The following SPATA9 variants were observed in gnomAD, a reference collection of about 807,000 sequenced individuals.
SPATA9 encodes spermatogenesis-associated protein 9.
A neutral mutation model predicts 25.5 loss-of-function variants in SPATA9; 27 were observed. The ratio of observed to expected loss-of-function variants is 1.06; its 90% confidence interval spans 0.78 to 1.46. The LOEUF is 1.46. Among genes scored for constraint, SPATA9 ranks in the 40% most tolerant of loss-of-function variants. SPATA9 has a pLI of 0.00. For synonymous variants in SPATA9, 102 were observed against 105.7 expected (o/e 0.97, Z 0.21); for missense variants, 282 against 297.5 (o/e 0.95, Z 0.38).
chr5:95,720,410 A>C, the SPATA9 span, among the ~76,000 whole-genome samples: 1 of 152,228 alleles, frequency 6.6e-6, no homozygotes, highest in Admixed American at 6.5e-5. Flanking sequence ...GTTAATGCAA[A>C]AGGACTGAGG....
At chr5:95,672,460 T>G (rs1376452361) in intron 3 of SPATA9, among the ~76,000 whole-genome samples, 108 of 151,238 alleles carry the variant, frequency 7.1e-4, no homozygotes, top group Middle Eastern at 3.4e-3. Flanking sequence ...AAGAGGTTTT[T>G]TTTTTTTTTT....
chr5:95,670,904 CGTT>C (rs1332521926), intron 3 of SPATA9: 5 of 985,198 alleles, frequency 5.1e-6, no homozygotes, highest in Non-Finnish European at 6.0e-6. Flanking sequence ...ATTTGAGAGA[CGTT>C]GTTTACTACA....
At chr5:95,670,758 G>A (rs1020295299) in intron 3 of SPATA9, 1 of 759,010 alleles carries the variant, frequency 1.3e-6, no homozygotes, top group Non-Finnish European at 1.6e-6. Context: ...AGCACACTCT[G>A]GTACCATGGA....
chr5:95,692,262 A>G (rs1753913713), intron 1 of SPATA9, among the ~76,000 whole-genome samples: 1 of 152,116 alleles, frequency 6.6e-6, no homozygotes, highest in Non-Finnish European at 1.5e-5. Context: ...AACGAGGCAT[A>G]ATTTACATAT....
Position 95,653,258 on chromosome 5 carries a change from TG to T in SPATA9, c.*448-50del. The T allele has an allele frequency of 4.5e-6, 7 of 1,550,200 alleles. No homozygotes were observed. The South Asian group carries it at 8.3e-5, about 18-fold the overall frequency. ...TTCATTCATACCCACCTTCTCTTGC[TG>T]TAATAGCTATCTGGTTGTGCCTGTA... On this transcript the variant is annotated intron_variant and NMD_transcript_variant, in intron 8 of 8. Transcript: ENST00000316087.
intron 2 of SPATA9, among the ~76,000 whole-genome samples, chr5:95,678,024 G>C (rs1753104413): frequency 6.6e-6 from 1 of 152,158 alleles, no homozygotes; most frequent in Admixed American, 6.5e-5. Context: ...GGCTGGTTGG[G>C]ACAGAAGGGT....
intron 4 of SPATA9, among the ~76,000 whole-genome samples, chr5:95,662,225 A>G (rs1751333878): frequency 6.6e-6 from 1 of 152,162 alleles, no homozygotes; most frequent in African/African-American, 2.4e-5. Flanking sequence ...TCATGGGGAA[A>G]AATTTGACTC....
At chr5:95,690,925 T>G (rs1753866219) in intron 1 of SPATA9, among the ~76,000 whole-genome samples, 1 of 152,238 alleles carries the variant, frequency 6.6e-6, no homozygotes, top group Admixed American at 6.5e-5. Flanking sequence ...TGTCTTTTCT[T>G]TTTAAAGCTT....
chr5:95,678,744 C>T (rs1018128289), intron 2 of SPATA9, among the ~76,000 whole-genome samples: 5 of 152,144 alleles, frequency 3.3e-5, no homozygotes, highest in Admixed American at 6.5e-5. Context: ...AAATTTGCCG[C>T]ACTTACAATC....
chr5:95,700,678 C>T (rs1024931580), upstream of SPATA9, among the ~76,000 whole-genome samples: 3 of 152,108 alleles, frequency 2.0e-5, no homozygotes, highest in Non-Finnish European at 2.9e-5. Context: ...CTGCCCACCT[C>T]GGCCTCCCAA....
At chr5:95,717,767 T>C in the SPATA9 span, 1 of 152,084 alleles carries the variant, frequency 6.6e-6, no homozygotes, top group Non-Finnish European at 1.5e-5. Flanking sequence ...AAAGAAAAGG[T>C]GAGGAATCAT....
At chr5:95,697,627 G>A (rs1754057125) in intron 1 of SPATA9, among the ~76,000 whole-genome samples, 1 of 152,186 alleles carries the variant, frequency 6.6e-6, no homozygotes, top group South Asian at 2.1e-4. Flanking sequence ...TGAAGAATGT[G>A]TAGCCACAGC....
chr5:95,726,518 G>C, the SPATA9 span, among the ~76,000 whole-genome samples: 27 of 152,296 alleles, frequency 1.8e-4, no homozygotes, highest in African/African-American at 6.0e-4. Flanking sequence ...TATGCACTTA[G>C]GGTGAAATCA....
At chr5:95,720,820 T>G in the SPATA9 span, among the ~76,000 whole-genome samples, 1 of 152,244 alleles carries the variant, frequency 6.6e-6, no homozygotes, top group South Asian at 2.1e-4. Context: ...ACAAGCATTC[T>G]AGTAACGACT....
At chr5:95,668,990 G>C (rs1216113076) in intron 3 of SPATA9, among the ~76,000 whole-genome samples, 2 of 152,142 alleles carry the variant, frequency 1.3e-5, no homozygotes, top group Non-Finnish European at 2.9e-5. Flanking sequence ...AGGAAACACT[G>C]ACTGCTACTT....
rs983069524 is a variant in SPATA9 at position 95,674,665 on chromosome 5, C to T, written c.378+747G>A. ...CACTGAGCAAAAGCGAGAAAGGATCCGGAAGGTATCGTTTGAATACCTGTA... is the reference window on the plus strand; with the variant it reads ...CACTGAGCAAAAGCGAGAAAGGATCTGGAAGGTATCGTTTGAATACCTGTA... On this transcript the variant is annotated intron_variant, in intron 3 of 4. Transcript: ENST00000274432. 1.7e-4 allele frequency: 73 copies of T among 417,816 alleles called. 1 individual carries two copies. Among genetic ancestry groups the T allele is most frequent in the South Asian group, 1.0e-3 (59 of 57,560 alleles). 25.9% of individuals were successfully genotyped at this position (417,816 alleles called of 1,614,324 possible).
chr5:95,696,461 T>C (rs212999), intron 1 of SPATA9, among the ~76,000 whole-genome samples: 86,476 of 152,056 alleles, frequency 0.57, 24,767 homozygotes, highest in East Asian at 0.8. Flanking sequence ...AAGTACATTG[T>C]TTTGGGTGAA....
downstream of SPATA9, chr5:95,652,282 G>A (rs369700186): frequency 6.5e-7 from 1 of 1,550,216 alleles, no homozygotes; most frequent in Non-Finnish European, 8.7e-7. Context: ...ATGTTGAAGT[G>A]TTTCAGGAAT....
At chr5:95,721,301 T>C in the SPATA9 span, among the ~76,000 whole-genome samples, 2 of 152,342 alleles carry the variant, frequency 1.3e-5, no homozygotes, top group South Asian at 4.1e-4. Context: ...TCCGTACTTA[T>C]CACATCACTG....
Sources: allele counts gnomAD v4.1 joint callset (sites outside exome capture counted in the v4.1 genomes callset), GRCh38; gene constraint gnomAD v4.1.1; transcripts MANE v1.5; gene names NCBI Gene and HGNC (gene_info 2026-07-23, HGNC 2026-07-21).